Variants in NPAS3 observed in about 807,000 individuals in gnomAD.
NPAS3 encodes neuronal PAS domain-containing protein 3.
NPAS3 carries 14 observed loss-of-function variants against 73.1 expected under a neutral mutation model. That is an observed-to-expected ratio of 0.19 (90% CI 0.13 to 0.30). NPAS3 has a LOEUF of 0.30. NPAS3 is among the 10% of genes least tolerant of loss of function. The pLI is 1.00. For missense variants in NPAS3, 1,096 were observed against 1,250.0 expected, an observed-to-expected ratio of 0.88 and a Z score of 1.86; for synonymous variants, 620 against 541.5, an observed-to-expected ratio of 1.14 and a Z score of -2.01.
chr14:33,200,361 T>A, intron 2 of NPAS3, among the ~76,000 whole-genome samples: 1 of 152,104 alleles, frequency 6.6e-6, no homozygotes, highest in East Asian at 1.9e-4. Context: ...AACAGAAAAG[T>A]AAAAGCAGAA....
intron 1 of NPAS3, among the ~76,000 whole-genome samples, chr14:32,997,778 A>G (rs901975201): frequency 1.3e-5 from 2 of 151,664 alleles, no homozygotes; most frequent in African/African-American, 2.4e-5. Flanking sequence ...AAAAAAAAAA[A>G]AGATGTGACT....
intron 3 of NPAS3, among the ~76,000 whole-genome samples, chr14:33,302,454 A>G (rs1373947672): frequency 2.0e-5 from 3 of 152,224 alleles, no homozygotes; most frequent in Non-Finnish European, 4.4e-5. Flanking sequence ...AATGAATTGT[A>G]ACATGGGTAA....
intron 3 of NPAS3, among the ~76,000 whole-genome samples, chr14:33,274,714 A>G (rs1343477986): frequency 1.3e-5 from 2 of 152,182 alleles, no homozygotes; most frequent in African/African-American, 4.8e-5. Flanking sequence ...CTCTGAGGGA[A>G]GGTTCTCCCA....
At chr14:33,492,845 G>A (rs1018027377) in intron 4 of NPAS3, among the ~76,000 whole-genome samples, 6 of 152,128 alleles carry the variant, frequency 3.9e-5, no homozygotes, top group African/African-American at 1.4e-4. Context: ...ATGATGGCAG[G>A]CTCTTCATTT....
intron 7 of NPAS3, among the ~76,000 whole-genome samples, chr14:33,745,762 C>T (rs1174877159): frequency 6.6e-6 from 1 of 152,140 alleles, no homozygotes; most frequent in Non-Finnish European, 1.5e-5. Flanking sequence ...ATAGAAAATG[C>T]ATTTATTTCT....
intron 3 of NPAS3, among the ~76,000 whole-genome samples, chr14:33,241,635 G>A (rs1161451629): frequency 1.3e-5 from 2 of 151,910 alleles, no homozygotes; most frequent in East Asian, 3.9e-4. Flanking sequence ...CCCTCTGTAC[G>A]AGACAAATGG....
chr14:33,788,699 G>A (rs570025828), intron 9 of NPAS3, among the ~76,000 whole-genome samples: 156 of 152,138 alleles, frequency 1.0e-3, no homozygotes, highest in African/African-American at 3.5e-3. Context: ...TTTACTACCA[G>A]AATTATGTTC....
intron 5 of NPAS3, among the ~76,000 whole-genome samples, chr14:33,600,998 T>C (rs762702300): frequency 6.6e-6 from 1 of 152,140 alleles, no homozygotes; most frequent in Non-Finnish European, 1.5e-5. Flanking sequence ...GTTCTAACAG[T>C]GGAGCAGTGG....
intron 1 of NPAS3, among the ~76,000 whole-genome samples, chr14:33,010,833 G>C (rs2039162616): frequency 6.6e-6 from 1 of 151,736 alleles, no homozygotes; most frequent in Admixed American, 6.6e-5. Context: ...TACTTGGGAG[G>C]CTGAAGCGGG....
chr14:33,111,923 G>T (rs1266741795), intron 2 of NPAS3, among the ~76,000 whole-genome samples: 4 of 151,722 alleles, frequency 2.6e-5, no homozygotes, highest in South Asian at 4.2e-4. Context: ...GCGGTGTTTG[G>T]TTTTTTGTCC....
At chr14:33,680,707 C>T in intron 6 of NPAS3, 1 of 694,278 alleles carries the variant, frequency 1.4e-6, no homozygotes, top group Non-Finnish European at 2.6e-6. Context: ...GGGCAAGGGG[C>T]TCTTGTGGCT....
chr14:33,747,332 G>A (rs912325952), intron 7 of NPAS3, among the ~76,000 whole-genome samples: 4 of 152,044 alleles, frequency 2.6e-5, no homozygotes, highest in African/African-American at 4.8e-5. Flanking sequence ...GTAAACTATC[G>A]CAAGAACAAA....
intron 3 of NPAS3, among the ~76,000 whole-genome samples, chr14:33,364,730 C>T (rs907315643): frequency 1.7e-4 from 26 of 151,992 alleles, no homozygotes; most frequent in African/African-American, 5.8e-4. Context: ...GGAGAAACAG[C>T]GGGAAAAGAA....
chr14:33,428,471 G>A (rs2048645690), intron 4 of NPAS3, among the ~76,000 whole-genome samples: 1 of 151,956 alleles, frequency 6.6e-6, no homozygotes, highest in Admixed American at 6.6e-5. Context: ...TATGTTTGCT[G>A]GTTCTAAATT....
intron 6 of NPAS3, among the ~76,000 whole-genome samples, chr14:33,692,011 T>C (rs1303716576): frequency 1.3e-5 from 2 of 152,150 alleles, no homozygotes; most frequent in Admixed American, 6.6e-5. Flanking sequence ...AATTCAATTA[T>C]AGTTTTGTGA....
chr14:33,132,396 T>C (rs2043673065), intron 2 of NPAS3, among the ~76,000 whole-genome samples: 1 of 152,160 alleles, frequency 6.6e-6, no homozygotes, highest in Non-Finnish European at 1.5e-5. Flanking sequence ...GAGTTGTCTG[T>C]GTACTTGTAG....
intron 1 of NPAS3, among the ~76,000 whole-genome samples, chr14:33,034,517 A>T (rs531961745): frequency 1.7e-4 from 26 of 151,568 alleles, no homozygotes; most frequent in Admixed American, 2.6e-4. Flanking sequence ...TATATACCAT[A>T]TATTAATACA....
At chr14:32,995,852 T>C (rs2038547982) in intron 1 of NPAS3, among the ~76,000 whole-genome samples, 1 of 152,190 alleles carries the variant, frequency 6.6e-6, no homozygotes. Flanking sequence ...AATGGACTAA[T>C]ACAGTAAATT....
intron 2 of NPAS3, among the ~76,000 whole-genome samples, chr14:33,174,263 A>G (rs61972666): frequency 0.22 from 33,194 of 152,104 alleles, 4,347 homozygotes; most frequent in Non-Finnish European, 0.31. Flanking sequence ...AACCAAAAGA[A>G]TCACAGGACT....
Sources: allele counts gnomAD v4.1 joint callset (sites outside exome capture counted in the v4.1 genomes callset), GRCh38; gene constraint gnomAD v4.1.1; transcripts MANE v1.5; gene names NCBI Gene and HGNC (gene_info 2026-07-23, HGNC 2026-07-21).